AP3B1: variants seen among roughly 807,000 people sequenced by gnomAD.
AP3B1 encodes AP-3 complex subunit beta-1.
AP3B1 carries 61 observed loss-of-function variants against 132.5 expected under a neutral mutation model. The ratio of observed to expected loss-of-function variants is 0.46; its 90% CI spans 0.37 to 0.57. The LOEUF is 0.57. Among genes scored for constraint, AP3B1 ranks in the 20% least tolerant of loss-of-function variants. The pLI is 0.00. For missense variants in AP3B1, 1,120 were observed against 1,289.4 expected (o/e 0.87, Z 2.01); for synonymous variants, 388 against 438.3 (o/e 0.89, Z 1.43).
chr5:78,167,274 CA>C, intron 11 of AP3B1, among the ~76,000 whole-genome samples: 1 of 152,046 alleles, frequency 6.6e-6, no homozygotes, highest in East Asian at 1.9e-4. Context: ...AAATGCAAAT[CA>C]AAACCACAGT....
intron 7 of AP3B1, 84 bp downstream of exon 7, chr5:78,215,971 C>T: frequency 7.7e-7 from 1 of 1,304,618 alleles, no homozygotes. Flanking sequence ...CTCTAGTTTA[C>T]TACTCCTAAT....
At chr5:78,071,472 G>T (rs1366024421) in intron 22 of AP3B1, among the ~76,000 whole-genome samples, 1 of 152,126 alleles carries the variant, frequency 6.6e-6, no homozygotes, top group African/African-American at 2.4e-5. Context: ...TAATACCTAG[G>T]TGATGGGTTG....
At chr5:78,042,029 A>G (rs1247272663) in intron 22 of AP3B1, 2 of 210,538 alleles carry the variant, frequency 9.5e-6, no homozygotes, top group African/African-American at 4.6e-5. Flanking sequence ...TGCTCCACAA[A>G]CACAGAGCTG....
intron 13 of AP3B1, among the ~76,000 whole-genome samples, chr5:78,156,828 C>T (rs1743170294): frequency 6.6e-6 from 1 of 151,956 alleles, no homozygotes; most frequent in African/African-American, 2.4e-5. Context: ...AGTGAAATGC[C>T]CAGAAAAGTG....
chr5:78,206,794 G>A (rs1745522419), intron 7 of AP3B1, among the ~76,000 whole-genome samples: 1 of 152,006 alleles, frequency 6.6e-6, no homozygotes, highest in African/African-American at 2.4e-5. Context: ...TACTGACAAT[G>A]AAACAACTTG....
intron 2 of AP3B1, among the ~76,000 whole-genome samples, chr5:78,258,872 T>C (rs1747957763): frequency 6.6e-6 from 1 of 152,120 alleles, no homozygotes; most frequent in South Asian, 2.1e-4. Flanking sequence ...TAAAAAACAA[T>C]GGGATCCAGT....
chr5:78,185,281 G>T (rs745723128), intron 7 of AP3B1, among the ~76,000 whole-genome samples: 5 of 152,192 alleles, frequency 3.3e-5, no homozygotes, highest in Admixed American at 2.0e-4. Context: ...AAGGAAGAAA[G>T]AATATGGCAA....
At chr5:78,120,777 A>T (rs1401423065) in intron 17 of AP3B1, among the ~76,000 whole-genome samples, 1 of 152,238 alleles carries the variant, frequency 6.6e-6, no homozygotes, top group African/African-American at 2.4e-5. Flanking sequence ...AACATTAAAC[A>T]GATCAACGAG....
At chr5:78,237,229 C>G (rs948744640) in intron 3 of AP3B1, among the ~76,000 whole-genome samples, 1 of 152,198 alleles carries the variant, frequency 6.6e-6, no homozygotes, top group African/African-American at 2.4e-5. Flanking sequence ...GGCACAGTGG[C>G]TCACATCTAT....
At chr5:78,152,164 T>C (rs1427844975) in intron 14 of AP3B1, among the ~76,000 whole-genome samples, 5 of 147,566 alleles carry the variant, frequency 3.4e-5, no homozygotes, top group Non-Finnish European at 6.0e-5. Flanking sequence ...TGTCTTTGTT[T>C]GGTTTCGGTA....
chr5:78,279,837 TATATAGG>T (rs1275017950), intron 1 of AP3B1, among the ~76,000 whole-genome samples: 15 of 144,466 alleles, frequency 1.0e-4, no homozygotes, highest in African/African-American at 3.9e-4. Flanking sequence ...TGTGTATATA[TATATAGG>T]ACTTAAATAT....
chr5:78,193,770 A>ATATATATATATATATATATTTTTTT, intron 7 of AP3B1, among the ~76,000 whole-genome samples: 3 of 67,206 alleles, frequency 4.5e-5, no homozygotes, highest in African/African-American at 1.0e-4. Flanking sequence ...ATATATATAT[A>ATATATATATATATATATATTTTTTT]TTTTTTTTTT....
At chr5:78,108,781 G>A (rs1452520878) in intron 20 of AP3B1, among the ~76,000 whole-genome samples, 1 of 152,014 alleles carries the variant, frequency 6.6e-6, no homozygotes, top group East Asian at 1.9e-4. Context: ...TTTTTTCAGG[G>A]GGAGGAAGGG....
intron 15 of AP3B1, among the ~76,000 whole-genome samples, chr5:78,129,878 G>A (rs1453220290): frequency 6.6e-6 from 1 of 152,014 alleles, no homozygotes; most frequent in Admixed American, 6.6e-5. Context: ...TATTTGCAGT[G>A]CATTTAGCTG....
At chr5:78,166,165 ACACACAC>A (rs1743620987) in intron 11 of AP3B1, among the ~76,000 whole-genome samples, 49 of 99,546 alleles carry the variant, frequency 4.9e-4, no homozygotes, top group Admixed American at 2.1e-3. Flanking sequence ...ACACACACAC[ACACACAC>A]AAATCATATT....
chr5:78,250,619 A>T (rs1747590249), intron 2 of AP3B1, among the ~76,000 whole-genome samples: 2 of 152,206 alleles, frequency 1.3e-5, no homozygotes, highest in Admixed American at 1.3e-4. Context: ...GAAAAAAATA[A>T]CAGGGCATAT....
chr5:78,086,872 CA>C (rs1750283823), intron 22 of AP3B1, among the ~76,000 whole-genome samples: 1 of 151,804 alleles, frequency 6.6e-6, no homozygotes, highest in African/African-American at 2.4e-5. Flanking sequence ...AAGATTTTAA[CA>C]GGCTCAATTT....
At chr5:78,146,279 A>T (rs906012048) in intron 14 of AP3B1, among the ~76,000 whole-genome samples, 1 of 152,174 alleles carries the variant, frequency 6.6e-6, no homozygotes, top group Non-Finnish European at 1.5e-5. Flanking sequence ...TACATCCCTC[A>T]TCACCTTCTC....
At chr5:78,162,302 A>G (rs1158002110) in intron 13 of AP3B1, among the ~76,000 whole-genome samples, 1 of 152,146 alleles carries the variant, frequency 6.6e-6, no homozygotes, top group Admixed American at 6.5e-5. Flanking sequence ...TGTTTGGCTT[A>G]AAAACACAAA....
Sources: allele counts gnomAD v4.1 joint callset (sites outside exome capture counted in the v4.1 genomes callset), GRCh38; gene constraint gnomAD v4.1.1; transcripts MANE v1.5; gene names NCBI Gene and HGNC (gene_info 2026-07-23, HGNC 2026-07-21).